Variants in STPG2 observed in about 807,000 individuals in gnomAD.
STPG2 encodes sperm-tail PG-rich repeat-containing protein 2.
Under a neutral mutation model 54.2 loss-of-function variants are expected in STPG2, and 56 were observed. That is an observed-to-expected ratio of 1.03 (90% CI 0.83 to 1.29). The LOEUF is 1.29. STPG2 is among the 50% of genes most tolerant of loss of function. STPG2 has a pLI of 0.00. For synonymous variants in STPG2, 200 were observed against 181.8 expected, an observed-to-expected ratio of 1.10 and a Z score of -0.81; for missense variants, 596 against 544.9, an observed-to-expected ratio of 1.09 and a Z score of -0.93.
intron 10 of STPG2, among the ~76,000 whole-genome samples, chr4:97,569,320 G>C (rs1309118655): frequency 6.6e-6 from 1 of 152,188 alleles, no homozygotes; most frequent in East Asian, 1.9e-4. Context: ...ACTATGAGCA[G>C]TGAGGACAAT....
intron 4 of STPG2, among the ~76,000 whole-genome samples, chr4:97,539,240 A>C (rs1456659498): frequency 6.6e-6 from 1 of 152,232 alleles, no homozygotes; most frequent in Non-Finnish European, 1.5e-5. Flanking sequence ...TAAAAGACAC[A>C]GACTGGTAAA....
intron 4 of STPG2, among the ~76,000 whole-genome samples, chr4:97,450,627 A>T (rs1008371709): frequency 2.0e-5 from 3 of 152,150 alleles, no homozygotes; most frequent in Non-Finnish European, 4.4e-5. Flanking sequence ...ACAGGCAAAG[A>T]TCCTGTAGCA....
chr4:98,093,993 A>G (rs112903402), intron 5 of STPG2, among the ~76,000 whole-genome samples: 3 of 152,258 alleles, frequency 2.0e-5, no homozygotes, highest in African/African-American at 7.2e-5. Flanking sequence ...GAAGGACTGC[A>G]ATTTCTAGGC....
intron 5 of STPG2, among the ~76,000 whole-genome samples, chr4:98,095,028 T>A (rs904627704): frequency 6.6e-6 from 1 of 151,794 alleles, no homozygotes; most frequent in Non-Finnish European, 1.5e-5. Flanking sequence ...CAACAAAAAG[T>A]TAAAAAAACA....
intron 4 of STPG2, among the ~76,000 whole-genome samples, chr4:97,447,324 C>T (rs1285188623): frequency 6.6e-6 from 1 of 152,174 alleles, no homozygotes; most frequent in Non-Finnish European, 1.5e-5. Flanking sequence ...AATCTATTTT[C>T]TGGGGAGAAA....
At position 97,523,634 on chromosome 4, in the gene STPG2, T is replaced by C. The variant is rs547185813; in HGVS notation, c.462+189065A>G. Reference sequence around the variant, plus strand: ...ATGGTTTTCTATGCAACTACTTGATTTTCCACCAGATTCCACTTGTAAAAC... The same window carrying C: ...ATGGTTTTCTATGCAACTACTTGATCTTCCACCAGATTCCACTTGTAAAAC... On this transcript the variant is annotated intron_variant, in intron 4 of 4. Coordinates refer to the STPG2 transcript ENST00000522676. 7.0e-4 allele frequency among the ~76,000 whole-genome samples: 107 copies of C among 152,100 alleles called. 2 individuals are homozygous for C. Among genetic ancestry groups the C allele is most frequent in the Admixed American group, 2.0e-3 (31 of 15,242 alleles).
At chr4:97,931,179 T>C (rs905585049) in intron 8 of STPG2, among the ~76,000 whole-genome samples, 1 of 152,214 alleles carries the variant, frequency 6.6e-6, no homozygotes, top group African/African-American at 2.4e-5. Context: ...TTTTATTTTT[T>C]TCTCCTGCCC....
At chr4:97,967,592 G>T (rs995689074) in intron 7 of STPG2, among the ~76,000 whole-genome samples, 1 of 152,042 alleles carries the variant, frequency 6.6e-6, no homozygotes, top group African/African-American at 2.4e-5. Flanking sequence ...TTCCAAAATT[G>T]ACCACATAGT....
chr4:97,716,573 A>C (rs1724294520), intron 9 of STPG2, among the ~76,000 whole-genome samples: 1 of 152,018 alleles, frequency 6.6e-6, no homozygotes, highest in Non-Finnish European at 1.5e-5. Context: ...GCTGGAAACC[A>C]TTATTCTCAG....
chr4:98,091,156 T>A (rs1205654491), intron 5 of STPG2, among the ~76,000 whole-genome samples: 1 of 152,052 alleles, frequency 6.6e-6, no homozygotes, highest in Non-Finnish European at 1.5e-5. Context: ...CACCTAAGTA[T>A]TTGTACTTTC....
chr4:97,632,736 G>A (rs753543770), intron 10 of STPG2, among the ~76,000 whole-genome samples: 34 of 152,256 alleles, frequency 2.2e-4, no homozygotes, highest in Non-Finnish European at 4.7e-4. Flanking sequence ...TATTTTCAAT[G>A]TGACCAAGAC....
intron 10 of STPG2, among the ~76,000 whole-genome samples, chr4:97,700,244 C>T (rs1723726667): frequency 6.6e-6 from 1 of 152,182 alleles, no homozygotes. Flanking sequence ...AGTCATATGG[C>T]CCCAGTGGCA....
At chr4:97,792,854 C>G (rs1179839092) in intron 9 of STPG2, among the ~76,000 whole-genome samples, 1 of 152,040 alleles carries the variant, frequency 6.6e-6, no homozygotes, top group Non-Finnish European at 1.5e-5. Flanking sequence ...GGTCTTCATT[C>G]AAAAGTCACT....
intron 10 of STPG2, among the ~76,000 whole-genome samples, chr4:97,592,861 G>A (rs1370335952): frequency 6.6e-6 from 1 of 152,122 alleles, no homozygotes; most frequent in Non-Finnish European, 1.5e-5. Context: ...GTGGCAGAGA[G>A]AGCTGCTTAG....
intron 4 of STPG2, among the ~76,000 whole-genome samples, chr4:97,531,160 A>G (rs890536053): frequency 2.0e-5 from 3 of 152,202 alleles, no homozygotes; most frequent in African/African-American, 4.8e-5. Context: ...ATGATATATC[A>G]TCTCATCCCA....
intron 8 of STPG2, among the ~76,000 whole-genome samples, chr4:97,864,673 A>G (rs951922851): frequency 4.6e-5 from 7 of 152,088 alleles, no homozygotes; most frequent in South Asian, 2.1e-4. Context: ...GAGGCATCAC[A>G]CTACCTGACT....
chr4:98,001,861 T>C (rs1040033102), intron 5 of STPG2, among the ~76,000 whole-genome samples: 1 of 152,126 alleles, frequency 6.6e-6, no homozygotes, highest in Admixed American at 6.6e-5. Context: ...TTTTAGCAAC[T>C]ATGAAATAAC....
intron 10 of STPG2, among the ~76,000 whole-genome samples, chr4:97,658,255 T>C (rs965718225): frequency 2.0e-5 from 3 of 152,264 alleles, no homozygotes; most frequent in African/African-American, 7.2e-5. Flanking sequence ...TGAAATTGTG[T>C]TCTTAAAGAA....
intron 10 of STPG2, among the ~76,000 whole-genome samples, chr4:97,635,098 G>T (rs1376197919): frequency 6.6e-6 from 1 of 150,978 alleles, no homozygotes; most frequent in South Asian, 2.1e-4. Flanking sequence ...GAGAAAGGTC[G>T]GGTTACCCTC....
Sources: gnomAD v4.1 joint callset for allele counts (sites outside exome capture counted in the v4.1 genomes callset) on GRCh38, gnomAD v4.1.1 for gene constraint, MANE v1.5 for transcripts, NCBI Gene and HGNC (gene_info 2026-07-23, HGNC 2026-07-21) for gene names.